The following IPO11 variants were observed in gnomAD, a reference collection of about 807,000 sequenced individuals.
IPO11 encodes the protein importin 11, also known as importin-11.
IPO11 carries 66 observed loss-of-function variants against 143.2 expected under a neutral mutation model. The ratio of observed to expected loss-of-function variants is 0.46; its 90% CI spans 0.38 to 0.57. IPO11 has a LOEUF of 0.57. IPO11 is among the 20% of genes least tolerant of loss of function. The pLI is 0.00. For synonymous variants in IPO11, 385 were observed against 377.8 expected (o/e 1.02, Z -0.22); for missense variants, 1,026 against 1,141.0 (o/e 0.90, Z 1.45).
intron 23 of IPO11, 28 bp from the exon 24 acceptor site, chr5:62,537,181 C>T (rs781173882): frequency 7.6e-7 from 1 of 1,313,994 alleles, no homozygotes; most frequent in Admixed American, 1.8e-5. Flanking sequence ...TATATTCTTA[C>T]ATATATTGAC....
intron 27 of IPO11, among the ~76,000 whole-genome samples, chr5:62,564,483 G>C (rs558674325): frequency 6.6e-6 from 1 of 152,058 alleles, no homozygotes; most frequent in Non-Finnish European, 1.5e-5. Context: ...CCAAAATAAG[G>C]CATGTCTAAA....
chr5:62,506,823 T>C (rs1300057171), intron 19 of IPO11, among the ~76,000 whole-genome samples: 1 of 152,218 alleles, frequency 6.6e-6, no homozygotes, highest in East Asian at 1.9e-4. Flanking sequence ...TCACTCTGAA[T>C]CTTTGTGGAA....
intron 16 of IPO11, among the ~76,000 whole-genome samples, chr5:62,503,330 C>CTAT (rs1561338174): frequency 3.0e-4 from 37 of 123,552 alleles, no homozygotes; most frequent in African/African-American, 1.1e-3. Context: ...ATAGTATCTA[C>CTAT]TAATATATTA....
chr5:62,486,516 G>A (rs1746411448), intron 12 of IPO11, among the ~76,000 whole-genome samples: 1 of 152,030 alleles, frequency 6.6e-6, no homozygotes, highest in Admixed American at 6.5e-5. Context: ...TCAGTTATAG[G>A]ATACTTTTAC....
At chr5:62,556,178 T>C (rs1294466836) in intron 26 of IPO11, among the ~76,000 whole-genome samples, 1 of 152,018 alleles carries the variant, frequency 6.6e-6, no homozygotes, top group Non-Finnish European at 1.5e-5. Context: ...GCTTAACTTT[T>C]GACAGGCATG....
chr5:62,545,940 A>G (rs1400402505), intron 24 of IPO11, among the ~76,000 whole-genome samples: 1 of 152,238 alleles, frequency 6.6e-6, no homozygotes, highest in Non-Finnish European at 1.5e-5. Flanking sequence ...TTAAAAAGTC[A>G]GGAAACAACA....
rs552933672 is a variant in IPO11 at position 62,464,752 on chromosome 5, C to T, written c.517-2379C>T. Among the ~76,000 whole-genome samples, 27 of 152,286 alleles carry T rather than the reference C, an allele frequency of 1.8e-4. No individual in the cohort carries two copies. In the South Asian group the frequency reaches 4.8e-3, roughly 27 times the overall value. ...CCTCCCAAAGCACTGACATTACAGG[C>T]ATGAGCCATCGCGCCTGGTCTGAGC... On this transcript the variant is annotated intron_variant, in intron 5 of 29. Transcript: ENST00000325324.
At chr5:62,447,322 C>G (rs1022383703) in intron 3 of IPO11, among the ~76,000 whole-genome samples, 1 of 152,090 alleles carries the variant, frequency 6.6e-6, no homozygotes, top group African/African-American at 2.4e-5. Context: ...CCAGGCTAGT[C>G]TTGAACTCCT....
At chr5:62,462,840 C>T (rs2112183637) in intron 5 of IPO11, among the ~76,000 whole-genome samples, 1 of 148,918 alleles carries the variant, frequency 6.7e-6, no homozygotes, top group African/African-American at 2.5e-5. Context: ...CAAGCTTAAT[C>T]TTACTTTTAA....
chr5:62,553,609 G>A (rs1223098126), intron 26 of IPO11, among the ~76,000 whole-genome samples: 1 of 151,374 alleles, frequency 6.6e-6, no homozygotes, highest in Non-Finnish European at 1.5e-5. Context: ...ATTCCCACCA[G>A]TAGTGCCTGA....
intron 22 of IPO11, among the ~76,000 whole-genome samples, chr5:62,532,209 A>T (rs1196791703): frequency 6.6e-6 from 1 of 152,192 alleles, no homozygotes; most frequent in East Asian, 1.9e-4. Context: ...CCTAAGAGTG[A>T]TGGGAGAGGG....
intron 1 of IPO11, among the ~76,000 whole-genome samples, chr5:62,415,910 A>T (rs1024168958): frequency 1.3e-4 from 20 of 152,234 alleles, no homozygotes; most frequent in Middle Eastern, 3.4e-3. Context: ...TGATATTCTG[A>T]GTTTTTTCTC....
At chr5:62,574,359 A>G (rs1271441638) in intron 27 of IPO11, among the ~76,000 whole-genome samples, 1 of 152,198 alleles carries the variant, frequency 6.6e-6, no homozygotes, top group Non-Finnish European at 1.5e-5. Flanking sequence ...TTTAGGGACT[A>G]TGGTAAACTG....
At chr5:62,543,618 G>T (rs1743040838) in intron 24 of IPO11, among the ~76,000 whole-genome samples, 1 of 151,900 alleles carries the variant, frequency 6.6e-6, no homozygotes, top group South Asian at 2.1e-4. Flanking sequence ...CAATTTTGTT[G>T]ATCTTTTCAA....
chr5:62,558,438 C>T (rs529219960), intron 26 of IPO11, among the ~76,000 whole-genome samples: 48 of 152,176 alleles, frequency 3.2e-4, no homozygotes, highest in Non-Finnish European at 6.5e-4. Context: ...TTTACTATTT[C>T]AACAAAAATA....
intron 24 of IPO11, among the ~76,000 whole-genome samples, chr5:62,543,267 C>T (rs1239111411): frequency 1.3e-5 from 2 of 152,214 alleles, no homozygotes; most frequent in African/African-American, 2.4e-5. Context: ...ATGGTACCAG[C>T]TCCTCCTTGT....
intron 22 of IPO11, among the ~76,000 whole-genome samples, chr5:62,532,227 A>C (rs1260278647): frequency 6.6e-6 from 1 of 152,192 alleles, no homozygotes; most frequent in Non-Finnish European, 1.5e-5. Flanking sequence ...GGGATTGGTA[A>C]CCAAGAAGAA....
chr5:62,595,349 A>G (rs1745176806), intron 28 of IPO11, among the ~76,000 whole-genome samples: 1 of 152,232 alleles, frequency 6.6e-6, no homozygotes. Flanking sequence ...AGGTATGGCT[A>G]AAGAGGATTG....
intron 27 of IPO11, among the ~76,000 whole-genome samples, chr5:62,582,632 G>A (rs762456848): frequency 1.1e-4 from 17 of 152,210 alleles, no homozygotes; most frequent in Non-Finnish European, 2.2e-4. Context: ...CATTTAAGCT[G>A]TGGTTTTGGG....
Sources: gnomAD v4.1 joint callset for allele counts (sites outside exome capture counted in the v4.1 genomes callset) on GRCh38, gnomAD v4.1.1 for gene constraint, MANE v1.5 for transcripts, NCBI Gene and HGNC (gene_info 2026-07-23, HGNC 2026-07-21) for gene names.